The following UBE2K variants were observed in gnomAD, a reference collection of about 807,000 sequenced individuals.
UBE2K encodes the protein ubiquitin conjugating enzyme E2 K.
UBE2K carries 6 observed loss-of-function variants against 30.0 expected under a neutral mutation model. That is an observed-to-expected ratio of 0.20 (90% CI 0.11 to 0.39). UBE2K has a LOEUF of 0.39. UBE2K is among the 10% of genes least tolerant of loss of function. The pLI, the probability that UBE2K is intolerant of heterozygous loss-of-function variation, is 1.00. For missense variants in UBE2K, 61 were observed against 241.6 expected, an observed-to-expected ratio of 0.25 and a Z score of 4.96; for synonymous variants, 86 against 83.7, an observed-to-expected ratio of 1.03 and a Z score of -0.15.
chr4:39,755,672 A>G lies in UBE2K; in HGVS notation c.232A>G (p.Lys78Glu). The change falls in exon 4 of 7, where the codon AAA becomes GAA. Residue 78 changes from lysine (K) to glutamate (E), a missense_variant. Lys to Glu is a moderately conservative substitution (Grantham distance 56, BLOSUM62 1). Coordinates refer to ENST00000261427, the MANE Select transcript of UBE2K (RefSeq NM_005339.5). ...TATATTCTAGGTCCGGTTTATCACT[A>G]AAATATGGCATCCTAATATTAGTTC... ...FNPPKVRFIT[K>E]IWHPNISSVT... The G allele has an allele frequency of 6.2e-7, 1 of 1,604,782 alleles. No homozygotes were observed. The highest frequency in any genetic ancestry group is 8.5e-7 in the Non-Finnish European group (1 of 1,177,412).
intron 1 of UBE2K, among the ~76,000 whole-genome samples, chr4:39,725,501 A>C (rs987020712): frequency 6.6e-6 from 1 of 151,530 alleles, no homozygotes; most frequent in African/African-American, 2.4e-5. Context: ...CTCAGTTCAC[A>C]CTTCCTCCTT....
At chr4:39,727,073 A>G (rs189723760) in intron 1 of UBE2K, among the ~76,000 whole-genome samples, 116 of 152,322 alleles carry the variant, frequency 7.6e-4, no homozygotes, top group Non-Finnish European at 1.2e-3. Flanking sequence ...TGAATATGTA[A>G]TGACACAGTA....
chr4:39,717,928 C>T (rs556921304), intron 1 of UBE2K, among the ~76,000 whole-genome samples: 31 of 146,932 alleles, frequency 2.1e-4, no homozygotes, highest in Non-Finnish European at 2.4e-4. Context: ...TTCGTGGTTT[C>T]GCTGGCTTCA....
chr4:39,719,480 C>A (rs1719300804), intron 1 of UBE2K, among the ~76,000 whole-genome samples: 1 of 152,132 alleles, frequency 6.6e-6, no homozygotes, highest in Non-Finnish European at 1.5e-5. Flanking sequence ...CCAAAAAAGT[C>A]TTTGATAGGT....
At chr4:39,767,344 T>G (rs1474230826) in intron 4 of UBE2K, among the ~76,000 whole-genome samples, 1 of 151,744 alleles carries the variant, frequency 6.6e-6, no homozygotes, top group Non-Finnish European at 1.5e-5. Context: ...TTGTTTGTTT[T>G]TTGAGATGGA....
At chr4:39,736,424 C>T (rs766508736) in intron 1 of UBE2K, among the ~76,000 whole-genome samples, 5 of 152,094 alleles carry the variant, frequency 3.3e-5, no homozygotes, top group Admixed American at 6.6e-5. Context: ...ATCGTGCCAT[C>T]GCACTCCAGC....
At chr4:39,713,595 T>C (rs36004717) in intron 1 of UBE2K, among the ~76,000 whole-genome samples, 44,880 of 151,628 alleles carry the variant, frequency 0.3, 8,387 homozygotes, top group African/African-American at 0.54. Context: ...AATTTATCAT[T>C]CTAACCATTT....
At chr4:39,730,773 A>T (rs890346013) in intron 1 of UBE2K, among the ~76,000 whole-genome samples, 7 of 151,128 alleles carry the variant, frequency 4.6e-5, no homozygotes, top group African/African-American at 7.3e-5. Flanking sequence ...CCGTCTCAAA[A>T]AATAATAATA....
chr4:39,770,104 C>G, intron 4 of UBE2K: 14 of 1,573,598 alleles, frequency 8.9e-6, no homozygotes, highest in Non-Finnish European at 1.1e-5. Flanking sequence ...ACATTAATCT[C>G]GGCCACACTG....
chr4:39,719,178 G>A lies in UBE2K; in HGVS notation c.64-18242G>A, dbSNP rs149005936. Among the ~76,000 whole-genome samples, 423 of 152,254 alleles carry A rather than the reference G, an allele frequency of 2.8e-3. 11 individuals are homozygous for A. The East Asian group carries it at 0.046, about 16-fold the overall frequency. On this transcript the variant is annotated intron_variant, in intron 1 of 6. Transcript: ENST00000261427. ...CTCAAACCTTCAGCAATACAAAATT[G>A]CTTGCTATTTAGTTGTTTCATCTGT...
chr4:39,724,583 CAAAAAAAAAA>C (rs60854193), intron 1 of UBE2K, among the ~76,000 whole-genome samples: 20 of 52,132 alleles, frequency 3.8e-4, no homozygotes, highest in African/African-American at 1.3e-3. Context: ...CCCGTCTCTG[CAAAAAAAAAA>C]AAAAAAAAAA....
chr4:39,719,601 T>A (rs1486530639), intron 1 of UBE2K, among the ~76,000 whole-genome samples: 1 of 152,208 alleles, frequency 6.6e-6, no homozygotes, highest in Non-Finnish European at 1.5e-5. Flanking sequence ...TGATTAGAAA[T>A]GTAGGACCAG....
At chr4:39,766,423 A>AT (rs1712343341) in intron 4 of UBE2K, among the ~76,000 whole-genome samples, 1 of 150,838 alleles carries the variant, frequency 6.6e-6, no homozygotes, top group Admixed American at 6.6e-5. Context: ...GACACTTTAT[A>AT]TATCTTCTTT....
chr4:39,733,087 C>T (rs930155542), intron 1 of UBE2K, among the ~76,000 whole-genome samples: 1 of 150,204 alleles, frequency 6.7e-6, no homozygotes, highest in African/African-American at 2.4e-5. Context: ...ACCAGAGGTC[C>T]CGCTATGTGT....
chr4:39,770,604 A>G, intron 4 of UBE2K: 1 of 1,590,068 alleles, frequency 6.3e-7, no homozygotes, highest in Non-Finnish European at 8.5e-7. Context: ...TCCCGGAGTC[A>G]ACAGCAGGCT....
intron 3 of UBE2K, among the ~76,000 whole-genome samples, chr4:39,752,335 C>CTT (rs57289268): frequency 1.4e-4 from 9 of 64,110 alleles, no homozygotes; most frequent in East Asian, 4.8e-4. Context: ...CTTTTTTTTT[C>CTT]TTTTTTTTTT....
At chr4:39,739,072 G>A (rs1021519699) in intron 2 of UBE2K, among the ~76,000 whole-genome samples, 2 of 150,996 alleles carry the variant, frequency 1.3e-5, no homozygotes, top group Non-Finnish European at 1.5e-5. Flanking sequence ...CTGTTGCCCA[G>A]CCTGGAGTGC....
In UBE2K at chr4:39,780,554, T is replaced by A. The variant is rs1474808224; in HGVS notation, c.*2120T>A. The A allele has an allele frequency of 6.6e-6, 1 of 152,156 alleles. No individual in the cohort carries two copies. 9.4% of individuals were successfully genotyped at this position (152,156 alleles called of 1,614,324 possible). On this transcript the variant is annotated 3_prime_UTR_variant, in exon 7 of 7. Transcript: ENST00000261427. The stretch of plus-strand genomic sequence containing the variant: ...TATGCACATGAGCCCTATAGGGTTA[T>A]ATACTCATCTAACTACACTTCAGCA...
chr4:39,703,832 G>A lies in UBE2K; in HGVS notation c.63+5442G>A, dbSNP rs141611602. 6.3e-3 allele frequency among the ~76,000 whole-genome samples: 784 copies of A among 123,758 alleles called. 5 individuals carry two copies. Among genetic ancestry groups the A allele is most frequent in the African/African-American group, 0.024 (741 of 31,106 alleles). 81.2% of individuals were successfully genotyped at this position (123,758 alleles called of 152,430 possible). ...CTGCACTGCAGCCTGGCGACAGAGCGAGACTCCATCTCAAAAAAAAAAAAA... is the reference window on the plus strand; with the variant it reads ...CTGCACTGCAGCCTGGCGACAGAGCAAGACTCCATCTCAAAAAAAAAAAAA... On this transcript the variant is annotated intron_variant, in intron 1 of 6. Transcript: ENST00000261427.
Sources: allele counts gnomAD v4.1 joint callset (sites outside exome capture counted in the v4.1 genomes callset), GRCh38; gene constraint gnomAD v4.1.1; transcripts MANE v1.5; gene names NCBI Gene and HGNC (gene_info 2026-07-23, HGNC 2026-07-21).